The following KLHL35 variants were observed in gnomAD, a reference collection of about 807,000 sequenced individuals.
KLHL35 encodes kelch-like protein 35.
KLHL35 carries 50 observed loss-of-function variants against 44.0 expected under a neutral mutation model. The ratio of observed to expected loss-of-function variants is 1.14; its 90% CI spans 0.91 to 1.44. The LOEUF (loss-of-function observed/expected upper bound fraction) is 1.44, where lower values mean the gene tolerates loss of function less well. Among genes scored for constraint, KLHL35 ranks in the 40% most tolerant of loss-of-function variants. The pLI is 0.00. For synonymous variants in KLHL35, 470 were observed against 410.4 expected (o/e 1.15, Z -1.76); for missense variants, 1,049 against 887.8 (o/e 1.18, Z -2.31).
chr11:75,423,587 G>T, intron 6 of KLHL35, 105 bp downstream of exon 6: 2 of 866,412 alleles, frequency 2.3e-6, no homozygotes, highest in Non-Finnish European at 3.7e-6. Flanking sequence ...GCTAGAGAGT[G>T]ATGTATAATA....
At chr11:75,428,285 C>T (rs182666744) in intron 3 of KLHL35, among the ~76,000 whole-genome samples, 157 bp downstream of exon 3, 4 of 152,376 alleles carry the variant, frequency 2.6e-5, no homozygotes, top group Admixed American at 6.5e-5. Flanking sequence ...AAGGGCGGGT[C>T]ACACGCGTAG....
chr11:75,424,051 G>A (rs1441018205), intron 5 of KLHL35, 171 bp from the exon 6 acceptor site: 2 of 597,352 alleles, frequency 3.3e-6, no homozygotes, highest in Non-Finnish European at 5.9e-6. Flanking sequence ...CACCGTCCCT[G>A]CCCTCAAGGG....
Position 75,429,915 on chromosome 11 carries a change from G to C in KLHL35, c.715C>G (p.Leu239Val), listed in dbSNP as rs1948519747. 4 of 1,488,184 alleles carry C rather than the reference G, an allele frequency of 2.7e-6. No homozygotes were observed. The highest frequency in any genetic ancestry group is 2.9e-5 in the African/African-American group (2 of 68,438). 92.2% of individuals were successfully genotyped at this position (1,488,184 alleles called of 1,614,324 possible). A position where few individuals can be genotyped will look rare whatever the true frequency, so the allele number is the denominator to read the frequency against. The change falls in exon 2 of 7, where the codon CTG (leucine) becomes GTG (valine). Residue 239 changes from leucine (L) to valine (V), a missense_variant. Leu to Val is a conservative substitution (Grantham distance 32). Transcript: ENST00000539798. ...PARRGQLRRL[L>V]EHVRLPLLAP... Reference sequence around the variant, plus strand: ...AGTAGCGGCAGGCGCACGTGCTCCAGCAGGCGTCGCAGCTGGCCGCGGCGG... The same window carrying C: ...AGTAGCGGCAGGCGCACGTGCTCCACCAGGCGTCGCAGCTGGCCGCGGCGG...
At position 75,426,637 on chromosome 11, in the gene KLHL35, T is replaced by G. The variant is rs754100500; in HGVS notation, c.1068A>C (p.Gly356=). 20 of 1,580,882 alleles carry G rather than the reference T, an allele frequency of 1.3e-5. No homozygotes were observed. Among genetic ancestry groups the G allele is most frequent in the Admixed American group, 3.5e-5 (2 of 57,526 alleles). The change falls in exon 4 of 7, where the codon GGA becomes GGC. Residue 356 remains glycine (G), a splice_region_variant and synonymous_variant. Transcript: ENST00000539798. ...CALRNDVYVS[G]GHINSHDVWM... is the part of the protein sequence containing the mutation. ...ACACATCATGACTGTTGATGTGGCC[T>G]CCTAGGGAGAGAGAAGCAGCTGTTG... is the stretch of plus-strand genomic sequence containing the variant.
In KLHL35 at chr11:75,430,269, C is replaced by T. The variant is rs1211276435; in HGVS notation, c.361G>A (p.Asp121Asn). The change falls in exon 2 of 7, where the codon GAC (aspartate) becomes AAC (asparagine). Residue 121 changes from aspartate to asparagine, a missense_variant. Asp to Asn is a conservative substitution (Grantham distance 23). Coordinates refer to ENST00000539798, the MANE Select transcript of KLHL35 (RefSeq NM_001039548.3). Reference sequence around the variant, plus strand: ...AGCGCCAGCACGGCCGCCGCCTCGTCCTCCGCGCGCAGCCGCACGCCCGCT... The same window carrying T: ...AGCGCCAGCACGGCCGCCGCCTCGTTCTCCGCGCGCAGCCGCACGCCCGCT... ...YGAGVRLRAE[D>N]EAAAVLALAE... 1.5e-5 allele frequency: 18 copies of T among 1,204,998 alleles called. No individual in the cohort carries two copies. In the Admixed American group the frequency reaches 5.9e-4, roughly 39 times the overall value. 74.6% of individuals were successfully genotyped at this position (1,204,998 alleles called of 1,614,324 possible).
In KLHL35 at chr11:75,430,386, C is replaced by G. The variant is rs1425495775; in HGVS notation, c.244G>C (p.Val82Leu). The change falls in exon 2 of 7, where the codon GTG becomes CTG. Residue 82 changes from valine (V) to leucine (L), a missense_variant. By Grantham distance (32) the Val-to-Leu change is conservative. Transcript: ENST00000539798. ...AGRPERGPAV[V>L]PVVPVAPEAP... ...TCGGGAGCTACTGGCACCACTGGCACCACGGCCGGGCCGCGCTCGGGCCGC... is the reference window on the plus strand; with the variant it reads ...TCGGGAGCTACTGGCACCACTGGCAGCACGGCCGGGCCGCGCTCGGGCCGC... The G allele has an allele frequency of 7.3e-7, 1 of 1,365,942 alleles. No individual in the cohort carries two copies. Among genetic ancestry groups the G allele is most frequent in the South Asian group, 1.5e-5 (1 of 64,760 alleles). 84.6% of individuals were successfully genotyped at this position (1,365,942 alleles called of 1,614,324 possible). A position where few individuals can be genotyped will look rare whatever the true frequency, so the allele number is the denominator to read the frequency against.
intron 1 of KLHL35, among the ~76,000 whole-genome samples, 78 bp downstream of exon 1, chr11:75,432,965 C>T (rs1465885547): frequency 6.6e-6 from 1 of 152,222 alleles, no homozygotes; most frequent in Non-Finnish European, 1.5e-5. Flanking sequence ...CCGCATCCTC[C>T]CCATCTCAGA....
At chr11:75,431,154 C>T (rs940270136) in intron 1 of KLHL35, among the ~76,000 whole-genome samples, 3 of 152,126 alleles carry the variant, frequency 2.0e-5, no homozygotes, top group Non-Finnish European at 4.4e-5. Context: ...CCACAGAGAC[C>T]CAGTGTGTGC....
intron 2 of KLHL35, among the ~76,000 whole-genome samples, chr11:75,429,268 T>C (rs1454975400): frequency 1.3e-5 from 2 of 152,226 alleles, no homozygotes; most frequent in African/African-American, 4.8e-5. Flanking sequence ...TGAGGATCTC[T>C]GTCCCAGGCC....
At chr11:75,428,738 A>ACCCCCCCCCACCCCATC (rs1275636892) in intron 2 of KLHL35, 112 bp from the exon 3 acceptor site, 1 of 877,572 alleles carries the variant, frequency 1.1e-6, no homozygotes, top group Non-Finnish European at 1.6e-6. Context: ...TTCTGCCATC[A>ACCCCCCCCCACCCCATC]CCCCCGCCCA....
intron 3 of KLHL35, 151 bp from the exon 4 acceptor site, chr11:75,426,789 T>G (rs916409945): frequency 6.3e-5 from 34 of 541,960 alleles, no homozygotes; most frequent in Admixed American, 4.4e-4. Flanking sequence ...TCTGGACCTG[T>G]GACCCAGTGT....
In KLHL35 at chr11:75,433,164, C is replaced by G. The variant is rs1174907957; in HGVS notation, c.-123G>C. 6.6e-6 allele frequency among the ~76,000 whole-genome samples: 1 copy of G among 152,228 alleles called. No homozygotes were observed. Among genetic ancestry groups the G allele is most frequent in the Non-Finnish European group, 1.5e-5 (1 of 68,050 alleles). On this transcript the variant is annotated 5_prime_UTR_variant, in exon 1 of 7. Coordinates refer to ENST00000539798, the MANE Select transcript of KLHL35 (RefSeq NM_001039548.3). ...CAGTGTTCATGCTGCTCTGCCCAGACTCCCGTTTGCTGTTCGCTCGGGCTC... is the reference window on the plus strand; with the variant it reads ...CAGTGTTCATGCTGCTCTGCCCAGAGTCCCGTTTGCTGTTCGCTCGGGCTC...
Position 75,423,899 on chromosome 11 carries a change from AGTG to A in KLHL35, c.1375-22_1375-20del. Reference sequence around the variant, plus strand: ...ACTGCACCTGAGGGGCAAGAGCAGCAGTGGTGAAGACTCACCGCCCCCCCCAAC... The same window carrying A: ...ACTGCACCTGAGGGGCAAGAGCAGCAGTGAAGACTCACCGCCCCCCCCAAC... On this transcript the variant is annotated intron_variant, in intron 5 of 6. Transcript: ENST00000539798. 3 of 1,593,006 alleles carry A rather than the reference AGTG, an allele frequency of 1.9e-6. No homozygotes were observed. The highest frequency in any genetic ancestry group is 2.6e-6 in the Non-Finnish European group (3 of 1,167,554).
rs145553964 is a variant in KLHL35 at position 75,431,558 on chromosome 11, A to G, written c.-1-928T>C. 5.4e-3 allele frequency among the ~76,000 whole-genome samples: 824 copies of G among 152,296 alleles called. 6 individuals are homozygous for G. The highest frequency in any genetic ancestry group is 9.0e-3 in the Non-Finnish European group (615 of 68,012). On this transcript the variant is annotated intron_variant, in intron 1 of 6. Transcript: ENST00000539798. The stretch of plus-strand genomic sequence containing the variant: ...AAAGGTTAGAGCCCAGGCTGAGGGA[A>G]GCTGGCCCTCTCTCTAGTGAGTTCT...
chr11:75,424,151 C>T (rs1420982238), intron 5 of KLHL35: 11 of 421,612 alleles, frequency 2.6e-5, no homozygotes, highest in African/African-American at 6.0e-5. Flanking sequence ...TCAAATGCCA[C>T]CCCATCCTTA....
chr11:75,423,820 G>C lies in KLHL35; in HGVS notation c.1435C>G (p.Gln479Glu), dbSNP rs760092335. Reference sequence around the variant, plus strand: ...AGGGAGACAGCCTCGAGACACCGCTGTGAGAAGGGTGCTGGTGACCGCAGG... The same window carrying C: ...AGGGAGACAGCCTCGAGACACCGCTCTGAGAAGGGTGCTGGTGACCGCAGG... ...WSLRSPAPFS[Q>E]RCLEAVSLED... is the part of the protein sequence containing the mutation. The change falls in exon 6 of 7, where the codon CAG becomes GAG. Residue 479 changes from glutamine (Q) to glutamate (E), a missense_variant. Gln to Glu is a conservative substitution (Grantham distance 29). Transcript: ENST00000539798. 3.7e-5 allele frequency: 59 copies of C among 1,613,870 alleles called. No individual in the cohort carries two copies. Among genetic ancestry groups the C allele is most frequent in the Middle Eastern group, 1.6e-4 (1 of 6,062 alleles).
rs1486757646 is a variant in KLHL35, at chr11:75,430,353, C to T, written c.277G>A (p.Gly93Ser). 3.0e-6 allele frequency: 4 copies of T among 1,321,394 alleles called. No homozygotes were observed. Among genetic ancestry groups the T allele is most frequent in the South Asian group, 3.6e-5 (2 of 55,688 alleles). 81.9% of individuals were successfully genotyped at this position (1,321,394 alleles called of 1,614,324 possible). A position where few individuals can be genotyped will look rare whatever the true frequency, so the allele number is the denominator to read the frequency against. Residue 93 changes from glycine (G) to serine (S), a missense_variant, in exon 2 of 7, where the codon GGC (glycine) becomes AGC (serine). Coordinates refer to ENST00000539798, the MANE Select transcript of KLHL35 (RefSeq NM_001039548.3). Reference sequence around the variant, plus strand: ...GCCGCCGCCCCGGCCGGGCTCGTGCCTGGCGCCTCGGGAGCTACTGGCACC... The same window carrying T: ...GCCGCCGCCCCGGCCGGGCTCGTGCTTGGCGCCTCGGGAGCTACTGGCACC... ...PVVPVAPEAPGTSPAGAAAAL... is the reference protein window; with the variant it reads ...PVVPVAPEAPSTSPAGAAAAL...
intron 6 of KLHL35, chr11:75,423,363 C>T (rs1948466018): frequency 1.1e-5 from 3 of 280,296 alleles, no homozygotes; most frequent in South Asian, 1.3e-4. Context: ...CACATCTTAC[C>T]TCATGATTGG....
intron 2 of KLHL35, among the ~76,000 whole-genome samples, chr11:75,429,206 G>A (rs1460846089): frequency 1.3e-5 from 2 of 152,134 alleles, no homozygotes; most frequent in Non-Finnish European, 2.9e-5. Context: ...GACGCCACCA[G>A]AATTTCCATA....
Sources: allele counts gnomAD v4.1 joint callset (sites outside exome capture counted in the v4.1 genomes callset), GRCh38; gene constraint gnomAD v4.1.1; transcripts MANE v1.5; gene names NCBI Gene and HGNC (gene_info 2026-07-23, HGNC 2026-07-21).